ABAT: variants seen among roughly 807,000 people sequenced by gnomAD.
ABAT encodes 4-aminobutyrate aminotransferase, mitochondrial.
A neutral mutation model predicts 64.6 loss-of-function variants in ABAT; 45 were observed. That is an observed-to-expected ratio of 0.70 (90% CI 0.55 to 0.89). ABAT has a LOEUF of 0.89. Among genes scored for constraint, ABAT ranks in the 40% least tolerant of loss-of-function variants. ABAT has a pLI of 0.00. For synonymous variants in ABAT, 297 were observed against 250.5 expected, an observed-to-expected ratio of 1.19 and a Z score of -1.75; for missense variants, 633 against 658.4, an observed-to-expected ratio of 0.96 and a Z score of 0.42.
At chr16:8,675,219 C>T (rs532820225) in intron 1 of ABAT, among the ~76,000 whole-genome samples, 1 of 152,034 alleles carries the variant, frequency 6.6e-6, no homozygotes, top group South Asian at 2.1e-4. Context: ...TGCAAGTCAC[C>T]CTCCCACCCC....
intron 1 of ABAT, among the ~76,000 whole-genome samples, chr16:8,722,491 T>C (rs181895821): frequency 1.3e-5 from 2 of 152,092 alleles, no homozygotes; most frequent in African/African-American, 2.4e-5. Context: ...CTTTTTTAAA[T>C]TGAAAAAGCA....
At chr16:8,779,013 A>G (rs1312010655) in intron 14 of ABAT, among the ~76,000 whole-genome samples, 3 of 152,166 alleles carry the variant, frequency 2.0e-5, no homozygotes, top group African/African-American at 4.8e-5. Flanking sequence ...CTTCCAGAAG[A>G]ACCACCTTTC....
intron 2 of ABAT, among the ~76,000 whole-genome samples, chr16:8,738,619 TTTG>T (rs1421154048): frequency 7.2e-6 from 1 of 138,648 alleles, no homozygotes; most frequent in East Asian, 2.2e-4. Context: ...TGTTTTTGTT[TTTG>T]TTTTTGTTTT....
chr16:8,676,412 A>G (rs1321211552), intron 1 of ABAT, among the ~76,000 whole-genome samples: 1 of 151,968 alleles, frequency 6.6e-6, no homozygotes, highest in East Asian at 1.9e-4. Context: ...CACATTTACA[A>G]TGGGGACTTG....
intron 5 of ABAT, among the ~76,000 whole-genome samples, chr16:8,752,045 C>T (rs2059502522): frequency 1.3e-5 from 2 of 151,916 alleles, no homozygotes; most frequent in Admixed American, 6.5e-5. Context: ...GGGCATCCTC[C>T]GCTCCCCATC....
In ABAT at chr16:8,750,434, G is replaced by C; in HGVS notation, c.211G>C (p.Val71Leu). 6.2e-7 allele frequency: 1 copy of C among 1,614,038 alleles called. No individual in the cohort carries two copies. The change falls in exon 5 of 16, where the codon GTG becomes CTG. Residue 71 changes from valine (V) to leucine (L), a missense_variant. Coordinates refer to ENST00000268251, the MANE Select transcript of ABAT (RefSeq NM_020686.6). ...QLNIIQNAEA[V>L]HFFCNYEESR... is the part of the protein sequence containing the mutation. ...TTCTTTCTCCAAGAATGCAGAGGCT[G>C]TGCATTTTTTCTGCAATTACGAAGA... is the stretch of plus-strand genomic sequence containing the variant.
intron 1 of ABAT, chr16:8,714,680 G>A (rs1030049200): frequency 6.6e-6 from 1 of 152,522 alleles, no homozygotes; most frequent in African/African-American, 2.4e-5. Flanking sequence ...GGAGGAAGGG[G>A]GTCCTCTGTG....
intron 12 of ABAT, 36 bp downstream of exon 12, chr16:8,772,953 G>A (rs753569378): frequency 5.0e-6 from 8 of 1,611,920 alleles, no homozygotes; most frequent in Non-Finnish European, 6.8e-6. Context: ...TGGAGCCATT[G>A]GGTTTTCTGG....
intron 1 of ABAT, among the ~76,000 whole-genome samples, chr16:8,717,534 C>G (rs1425832623): frequency 6.6e-6 from 1 of 152,116 alleles, no homozygotes; most frequent in Non-Finnish European, 1.5e-5. Flanking sequence ...CAAACCAGAC[C>G]AGCAGGTGAC....
intron 1 of ABAT, among the ~76,000 whole-genome samples, chr16:8,694,507 A>C (rs2057658855): frequency 6.6e-6 from 1 of 152,148 alleles, no homozygotes; most frequent in Admixed American, 6.5e-5. Context: ...TCTCCCGAGC[A>C]GCTGGGACCA....
chr16:8,772,932 C>T lies in ABAT; in HGVS notation c.954+15C>T, dbSNP rs748546258. On this transcript the variant is annotated intron_variant, in intron 12 of 15. Transcript: ENST00000268251. ...TCGCCAGGAAGGTCAGTGGACAGGG[C>T]CGAGGTTGGATGGAGCCATTGGGTT... The T allele has an allele frequency of 6.2e-7, 1 of 1,612,940 alleles. No individual in the cohort carries two copies. The highest frequency in any genetic ancestry group is 1.1e-5 in the South Asian group (1 of 91,026).
At chr16:8,685,275 C>A (rs8049263) in intron 1 of ABAT, among the ~76,000 whole-genome samples, 2 of 151,504 alleles carry the variant, frequency 1.3e-5, no homozygotes, top group African/African-American at 2.4e-5. Context: ...AATGGAGACC[C>A]TGTCTCAAAA....
At position 8,764,883 on chromosome 16, in the gene ABAT, C is replaced by A; in HGVS notation, c.540+53C>A. ...CACACACAGGCTCCCCAGCACCCAG[C>A]CACACGCTCACCCCTTGTCTGACTG... On this transcript the variant is annotated intron_variant, in intron 8 of 15. Coordinates refer to ENST00000268251, the MANE Select transcript of ABAT (RefSeq NM_020686.6). This position sits in a 1 kb window ranked among gnomAD's most constrained non-coding sequence, Gnocchi z 4.2. 1 of 1,467,342 alleles carries A rather than the reference C, an allele frequency of 6.8e-7. No homozygotes were observed. The highest frequency in any genetic ancestry group is 9.5e-7 in the Non-Finnish European group (1 of 1,047,792). The allele number at this position is 1,467,342 out of a possible 1,614,324, so 90.9% of individuals were successfully genotyped here.
intron 1 of ABAT, among the ~76,000 whole-genome samples, chr16:8,708,605 A>C (rs2058002443): frequency 6.6e-6 from 1 of 152,150 alleles, no homozygotes; most frequent in Non-Finnish European, 1.5e-5. Flanking sequence ...CTGGCCAATC[A>C]AATTCTTTAA....
At chr16:8,763,864 C>T (rs2059866037) in intron 6 of ABAT, among the ~76,000 whole-genome samples, 1 of 152,192 alleles carries the variant, frequency 6.6e-6, no homozygotes, top group Non-Finnish European at 1.5e-5. Context: ...GGACACTGAC[C>T]CTTTTTTAAA....
At chr16:8,768,277 T>C in intron 10 of ABAT, 21 bp downstream of exon 10, 1 of 1,612,844 alleles carries the variant, frequency 6.2e-7, no homozygotes. Flanking sequence ...ACCATTGCGC[T>C]CCCAAGGTGG....
intron 1 of ABAT, among the ~76,000 whole-genome samples, chr16:8,689,003 C>A (rs1448127836): frequency 2.0e-5 from 3 of 151,840 alleles, no homozygotes; most frequent in South Asian, 4.2e-4. Flanking sequence ...TCACTTGAAC[C>A]CAGAAGGCAG....
intron 14 of ABAT, among the ~76,000 whole-genome samples, chr16:8,778,573 G>C (rs144184401): frequency 2.0e-5 from 3 of 152,016 alleles, no homozygotes; most frequent in Non-Finnish European, 4.4e-5. Flanking sequence ...TCAGGAGTTC[G>C]AAACCAGCCT....
chr16:8,693,653 G>C (rs1013841862), intron 1 of ABAT, among the ~76,000 whole-genome samples: 1 of 152,078 alleles, frequency 6.6e-6, no homozygotes, highest in Non-Finnish European at 1.5e-5. Context: ...ATGTTTAGTA[G>C]AGACTGGGTT....
Sources: allele counts gnomAD v4.1 joint callset (sites outside exome capture counted in the v4.1 genomes callset), GRCh38; gene constraint gnomAD v4.1.1; non-coding constraint Gnocchi (gnomAD v3.1); transcripts MANE v1.5; gene names NCBI Gene and HGNC (gene_info 2026-07-23, HGNC 2026-07-21).